Variants in EEPD1 observed in about 807,000 individuals in gnomAD.
The protein encoded by EEPD1 is endonuclease/exonuclease/phosphatase family domain containing 1, also known as endonuclease/exonuclease/phosphatase family domain-containing protein 1.
EEPD1 carries 17 observed loss-of-function variants against 46.3 expected under a neutral mutation model. That is an observed-to-expected ratio of 0.37 (90% CI 0.25 to 0.55). The LOEUF (loss-of-function observed/expected upper bound fraction) is 0.55. EEPD1 is among the 20% of genes least tolerant of loss of function. The pLI is 0.83. For missense variants in EEPD1, 673 were observed against 745.6 expected, an observed-to-expected ratio of 0.90 and a Z score of 1.13; for synonymous variants, 313 against 315.6, an observed-to-expected ratio of 0.99 and a Z score of 0.09.
At chr7:36,269,396 C>T (rs1345019626) in intron 3 of EEPD1, among the ~76,000 whole-genome samples, 1 of 152,156 alleles carries the variant, frequency 6.6e-6, no homozygotes, top group African/African-American at 2.4e-5. Context: ...TGGTTCACAA[C>T]TGGTCCCAGC....
chr7:36,177,100 T>C (rs1472460700), intron 2 of EEPD1, among the ~76,000 whole-genome samples: 1 of 152,232 alleles, frequency 6.6e-6, no homozygotes, highest in East Asian at 1.9e-4. Flanking sequence ...TGGATTGTGG[T>C]GATGGTTGCA....
At chr7:36,235,667 A>G (rs1786419697) in intron 2 of EEPD1, among the ~76,000 whole-genome samples, 1 of 152,242 alleles carries the variant, frequency 6.6e-6, no homozygotes, top group Non-Finnish European at 1.5e-5. Flanking sequence ...TTTGGAAAAC[A>G]AATGAGTGGC....
At chr7:36,285,224 C>T (rs917503907) in intron 5 of EEPD1, among the ~76,000 whole-genome samples, 1 of 152,214 alleles carries the variant, frequency 6.6e-6, no homozygotes, top group Non-Finnish European at 1.5e-5. Flanking sequence ...TGATCCTTCA[C>T]CTTCCTGGCA....
chr7:36,276,794 C>T (rs1382506322), intron 3 of EEPD1, among the ~76,000 whole-genome samples: 1 of 152,136 alleles, frequency 6.6e-6, no homozygotes, highest in African/African-American at 2.4e-5. Flanking sequence ...AGGATGGGGT[C>T]CACCAATCCA....
chr7:36,183,383 C>T (rs988799764), intron 2 of EEPD1, among the ~76,000 whole-genome samples: 25 of 152,228 alleles, frequency 1.6e-4, no homozygotes, highest in Admixed American at 1.5e-3. Flanking sequence ...ATCAGCCTGA[C>T]GAGAGGGCTC....
intron 6 of EEPD1, among the ~76,000 whole-genome samples, chr7:36,289,476 G>A (rs987771661): frequency 1.3e-5 from 2 of 152,152 alleles, no homozygotes; most frequent in Non-Finnish European, 2.9e-5. Flanking sequence ...ATGTCTTCAA[G>A]GTTCATCCAT....
chr7:36,235,408 C>A (rs779757942), intron 2 of EEPD1, among the ~76,000 whole-genome samples: 7 of 152,270 alleles, frequency 4.6e-5, no homozygotes, highest in Non-Finnish European at 7.3e-5. Flanking sequence ...GTCATCTCTG[C>A]CCTTGGAGCC....
rs535275141 is a variant in EEPD1 at position 36,180,940 on chromosome 7, C to T, written c.878+25738C>T. Reference sequence around the variant, plus strand: ...CTCACCTCTTCCCTGCTGCCGGCTCCAGGGTGACCTGGACCACCACCCCAC... The same window carrying T: ...CTCACCTCTTCCCTGCTGCCGGCTCTAGGGTGACCTGGACCACCACCCCAC... On this transcript the variant is annotated intron_variant, in intron 2 of 7. Coordinates refer to ENST00000242108, the MANE Select transcript of EEPD1 (RefSeq NM_030636.3). Among the ~76,000 whole-genome samples the T allele has an allele frequency of 6.6e-5, 10 of 152,072 alleles. No individual in the cohort carries two copies. The South Asian group carries it at 2.1e-3, about 32-fold the overall frequency.
At chr7:36,200,022 A>G (rs1218846520) in intron 2 of EEPD1, among the ~76,000 whole-genome samples, 2 of 152,096 alleles carry the variant, frequency 1.3e-5, no homozygotes, top group African/African-American at 4.8e-5. Context: ...GGTTTGTTAT[A>G]TAGGTAAACT....
In EEPD1 at chr7:36,155,090, G is replaced by T. The variant is rs373110272; in HGVS notation, c.766G>T (p.Asp256Tyr). 1.9e-6 allele frequency: 3 copies of T among 1,585,104 alleles called. No individual in the cohort carries two copies. The highest frequency in any genetic ancestry group is 8.6e-7 in the Non-Finnish European group (1 of 1,164,762). Residue 256 changes from aspartate to tyrosine, a missense_variant, in exon 2 of 8, where the codon GAT becomes TAT. Coordinates refer to ENST00000242108, the MANE Select transcript of EEPD1 (RefSeq NM_030636.3). ...PSVEAFGGTR[D>Y]GRPVLRLATW... Reference sequence around the variant, plus strand: ...CGTGGAGGCCTTTGGAGGCACAAGGGATGGGAGGCCTGTGCTGAGGCTGGC... The same window carrying T: ...CGTGGAGGCCTTTGGAGGCACAAGGTATGGGAGGCCTGTGCTGAGGCTGGC...
In EEPD1 at chr7:36,298,989, T is replaced by TCCTCTC; in HGVS notation, c.1511-15_1511-14insCTCCCT. On this transcript the variant is annotated splice_polypyrimidine_tract_variant and intron_variant, in intron 7 of 7. Transcript: ENST00000242108. ...CCCCCATCCTGATTCCCGGTCTCTT[T>TCCTCTC]CCTTCCTCTCCCTTCAGGTCACTGG... is the stretch of plus-strand genomic sequence containing the variant. The TCCTCTC allele has an allele frequency of 6.2e-7, 1 of 1,612,968 alleles. No homozygotes were observed. The highest frequency in any genetic ancestry group is 8.5e-7 in the Non-Finnish European group (1 of 1,179,392).
intron 5 of EEPD1, among the ~76,000 whole-genome samples, chr7:36,285,452 C>G (rs974295971): frequency 1.3e-5 from 2 of 152,178 alleles, no homozygotes; most frequent in African/African-American, 4.8e-5. Flanking sequence ...ATGTGGGAAT[C>G]TCTGTCCCCC....
intron 3 of EEPD1, among the ~76,000 whole-genome samples, chr7:36,270,996 T>TTA (rs1259266944): frequency 0.075 from 1,015 of 13,534 alleles, 11 homozygotes; most frequent in African/African-American, 0.13. Context: ...ATTATTATTA[T>TTA]TTTTTTTTGA....
chr7:36,155,506 C>T (rs183605155), intron 2 of EEPD1, among the ~76,000 whole-genome samples: 4 of 152,248 alleles, frequency 2.6e-5, no homozygotes, highest in East Asian at 1.9e-4. Flanking sequence ...TGGGTCTACA[C>T]CAAGTCAGGC....
intron 3 of EEPD1, among the ~76,000 whole-genome samples, chr7:36,275,119 G>A (rs949346442): frequency 1.3e-5 from 2 of 152,206 alleles, no homozygotes; most frequent in Non-Finnish European, 2.9e-5. Context: ...AGTCAGGAAA[G>A]CAAGTGAAAC....
chr7:36,208,606 G>A (rs1785867363), intron 2 of EEPD1, among the ~76,000 whole-genome samples: 1 of 152,210 alleles, frequency 6.6e-6, no homozygotes, highest in Non-Finnish European at 1.5e-5. Flanking sequence ...GTCTGGTAGA[G>A]TTTGAGAAAC....
At chr7:36,163,598 G>A (rs1475939352) in intron 2 of EEPD1, among the ~76,000 whole-genome samples, 1 of 152,190 alleles carries the variant, frequency 6.6e-6, no homozygotes, top group African/African-American at 2.4e-5. Context: ...CTTCTGTTCA[G>A]GCTGGGCGCG....
chr7:36,289,580 C>T (rs1335304953), intron 6 of EEPD1, among the ~76,000 whole-genome samples: 5 of 152,292 alleles, frequency 3.3e-5, no homozygotes, highest in South Asian at 4.1e-4. Flanking sequence ...CTGCAAGCTC[C>T]GCCTCCCGGG....
At chr7:36,256,777 A>G (rs1009139018) in intron 3 of EEPD1, among the ~76,000 whole-genome samples, 1 of 152,014 alleles carries the variant, frequency 6.6e-6, no homozygotes, top group Admixed American at 6.6e-5. Context: ...TTTTTATCCA[A>G]TTTGCCAGTC....
Sources: gnomAD v4.1 joint callset for allele counts (sites outside exome capture counted in the v4.1 genomes callset) on GRCh38, gnomAD v4.1.1 for gene constraint, MANE v1.5 for transcripts, NCBI Gene and HGNC (gene_info 2026-07-23, HGNC 2026-07-21) for gene names.